PATE3: variants seen among roughly 807,000 people sequenced by gnomAD.
PATE3 encodes prostate and testis expressed 3.
A neutral mutation model predicts 7.4 loss-of-function variants in PATE3; 7 were observed. The ratio of observed to expected loss-of-function variants is 0.95; its 90% confidence interval spans 0.54 to 1.78. PATE3 has a LOEUF of 1.78. Among genes scored for constraint, PATE3 ranks in the 40% most tolerant of loss-of-function variants. The pLI is 0.00. For synonymous variants in PATE3, 38 were observed against 40.2 expected, an observed-to-expected ratio of 0.94 and a Z score of 0.21; for missense variants, 117 against 122.5, an observed-to-expected ratio of 0.96 and a Z score of 0.21.
chr11:125,788,982 CAGAAT>C (rs921341860), intron 1 of PATE3, among the ~76,000 whole-genome samples: 3 of 152,100 alleles, frequency 2.0e-5, no homozygotes, highest in Non-Finnish European at 4.4e-5. Flanking sequence ...CTCAAAAGAA[CAGAAT>C]ATATCACCTA....
chr11:125,790,876 A>G lies in PATE3; in HGVS notation c.*274A>G, dbSNP rs911678447. On this transcript the variant is annotated 3_prime_UTR_variant, in exon 3 of 3. Coordinates refer to ENST00000445202, the MANE Select transcript of PATE3 (RefSeq NM_001129883.4). ...AGAAACCTGCCCCAAGAGTTCCTGT[A>G]CAGTAAAATTTAAAGCAGGAACATT... is the stretch of plus-strand genomic sequence containing the variant. 7.4e-6 allele frequency: 2 copies of G among 270,430 alleles called. No homozygotes were observed. Among genetic ancestry groups the G allele is most frequent in the Non-Finnish European group, 1.4e-5 (2 of 145,528 alleles). 16.8% of individuals were successfully genotyped at this position (270,430 alleles called of 1,614,324 possible).
Position 125,789,508 on chromosome 11 carries a change from C to T in PATE3, c.172C>T (p.Arg58Cys), listed in dbSNP as rs778608262. Residue 58 changes from arginine (R) to cysteine (C), a missense_variant and splice_region_variant, in exon 2 of 3, where the codon CGC (arginine) becomes TGC (cysteine). Transcript: ENST00000445202. The stretch of plus-strand genomic sequence containing the variant: ...ATGCATGCTCTTAAGGATTTACCAG[C>T]GTAAGTTAGAGGGTCAGGGAAGGTG... The part of the protein sequence containing the change: ...EACMLLRIYQ[R>C]NTLQISYMVC... 7.1e-6 allele frequency: 11 copies of T among 1,550,146 alleles called. No individual in the cohort carries two copies. Among genetic ancestry groups the T allele is most frequent in the East Asian group, 2.4e-5 (1 of 40,886 alleles).
In PATE3 at chr11:125,788,136, G is replaced by A. The variant is rs966733960; in HGVS notation, c.-16G>A. The stretch of plus-strand genomic sequence containing the variant: ...CCCTAGCTTCTTTTTCCTGCACAAG[G>A]GATTTCCGGGTCAGGATGAACAAAC... On this transcript the variant is annotated 5_prime_UTR_variant, in exon 1 of 3. Coordinates refer to ENST00000445202, the MANE Select transcript of PATE3 (RefSeq NM_001129883.4). 6.4e-7 allele frequency: 1 copy of A among 1,550,934 alleles called. No homozygotes were observed. The highest frequency in any genetic ancestry group is 8.7e-7 in the Non-Finnish European group (1 of 1,146,524).
At position 125,788,166 on chromosome 11, in the gene PATE3, C is replaced by G. The variant is rs957982097; in HGVS notation, c.15C>G (p.Phe5Leu). 1.1e-5 allele frequency: 17 copies of G among 1,551,470 alleles called. No homozygotes were observed. In the Admixed American group the frequency reaches 1.4e-4, roughly 13 times the overall value. Residue 5 changes from phenylalanine (F) to leucine (L), a missense_variant, in exon 1 of 3, where the codon TTC (phenylalanine) becomes TTG (leucine). Transcript: ENST00000445202. ...TCCGGGTCAGGATGAACAAACACTT[C>G]TTGTTCCTCTTCCTCCTTTACTGCC... MNKH[F>L]LFLFLLYCLI... is the part of the protein sequence containing the mutation.
chr11:125,789,594 A>G, intron 2 of PATE3, 86 bp downstream of exon 2: 1 of 1,437,694 alleles, frequency 7.0e-7, no homozygotes, highest in East Asian at 2.5e-5. Flanking sequence ...CAAGAGAAGA[A>G]CCAATGCAGA....
Position 125,789,510 on chromosome 11 carries a change from T to C in PATE3, c.172+2T>C. On this transcript the variant is annotated splice_donor_variant, in intron 2 of 2. Coordinates refer to ENST00000445202, the MANE Select transcript of PATE3 (RefSeq NM_001129883.4). LOFTEE classifies it high-confidence loss of function. ...GCATGCTCTTAAGGATTTACCAGCG[T>C]AAGTTAGAGGGTCAGGGAAGGTGTT... 4 of 1,550,356 alleles carry C rather than the reference T, an allele frequency of 2.6e-6. No homozygotes were observed. The highest frequency in any genetic ancestry group is 2.4e-5 in the South Asian group (2 of 83,994).
Position 125,790,807 on chromosome 11 carries a change from T to C in PATE3, c.*205T>C. ...GTCAGAGAATAGTGGTTCTGAACAA[T>C]GGATTTCTTCTATTATTGGGATTAT... On this transcript the variant is annotated 3_prime_UTR_variant, in exon 3 of 3. Coordinates refer to ENST00000445202, the MANE Select transcript of PATE3 (RefSeq NM_001129883.4). 1 of 474,118 alleles carries C rather than the reference T, an allele frequency of 2.1e-6. No homozygotes were observed. The highest frequency in any genetic ancestry group is 3.7e-6 in the Non-Finnish European group (1 of 273,254). 29.4% of individuals were successfully genotyped at this position (474,118 alleles called of 1,614,324 possible).
Position 125,790,617 on chromosome 11 carries a change from T to C in PATE3, c.*15T>C. On this transcript the variant is annotated 3_prime_UTR_variant, in exon 3 of 3. Transcript: ENST00000445202. ...TTAAACTCTAAGATATTTGCCCTCCTGAGGTCTCGCTTTGGAATGTCCCCA... is the reference window on the plus strand; with the variant it reads ...TTAAACTCTAAGATATTTGCCCTCCCGAGGTCTCGCTTTGGAATGTCCCCA... 1.3e-6 allele frequency: 2 copies of C among 1,549,198 alleles called. No homozygotes were observed. Among genetic ancestry groups the C allele is most frequent in the Non-Finnish European group, 1.7e-6 (2 of 1,145,700 alleles).
chr11:125,789,495 A>G lies in PATE3; in HGVS notation c.159A>G (p.Leu53=), dbSNP rs1943592269. 1 of 1,551,108 alleles carries G rather than the reference A, an allele frequency of 6.4e-7. No individual in the cohort carries two copies. The highest frequency in any genetic ancestry group is 1.4e-5 in the African/African-American group (1 of 73,030). Residue 53 remains leucine, a synonymous_variant, in exon 2 of 3, where the codon TTA becomes TTG. Transcript: ENST00000445202. ...TAQKGEACML[L]RIYQRNTLQI... ...AGAAGGGCGAGGCATGCATGCTCTT[A>G]AGGATTTACCAGCGTAAGTTAGAGG...
chr11:125,788,313 C>G, intron 1 of PATE3, 113 bp downstream of exon 1: 2 of 881,634 alleles, frequency 2.3e-6, no homozygotes, highest in Non-Finnish European at 3.4e-6. Flanking sequence ...CTTTTATGAG[C>G]CAGGGGAAGC....
rs1943608470 is a variant in PATE3, at chr11:125,791,227, T to C, written c.*625T>C. 1 of 144,594 alleles carries C rather than the reference T, an allele frequency of 6.9e-6. No individual in the cohort carries two copies. The highest frequency in any genetic ancestry group is 1.6e-5 in the Non-Finnish European group (1 of 62,486). 9.0% of individuals were successfully genotyped at this position (144,594 alleles called of 1,614,324 possible). A position where few individuals can be genotyped will look rare whatever the true frequency, so the allele number is the denominator to read the frequency against. On this transcript the variant is annotated 3_prime_UTR_variant, in exon 3 of 3. Coordinates refer to ENST00000445202, the MANE Select transcript of PATE3 (RefSeq NM_001129883.4). ...TCTCACACAGCCACTGCTACTCCTA[T>C]CGAGATGTACATTCAAGGTACATCA... is the stretch of plus-strand genomic sequence containing the variant.
At chr11:125,790,066 C>T (rs1943596135) in intron 2 of PATE3, among the ~76,000 whole-genome samples, 1 of 152,052 alleles carries the variant, frequency 6.6e-6, no homozygotes, top group Non-Finnish European at 1.5e-5. Flanking sequence ...TGTTCTTAAT[C>T]ATGTATAGGA....
At chr11:125,789,248 G>A (rs1445309729) in intron 1 of PATE3, 138 bp from the exon 2 acceptor site, 18 of 804,742 alleles carry the variant, frequency 2.2e-5, no homozygotes, top group East Asian at 1.7e-4. Flanking sequence ...ACTGTTTACC[G>A]CCTAAATACC....
chr11:125,790,336 G>A lies in PATE3; in HGVS notation c.173-142G>A, dbSNP rs555760894. 61 of 732,660 alleles carry A rather than the reference G, an allele frequency of 8.3e-5. No individual in the cohort carries two copies. In the East Asian group the frequency reaches 1.8e-3, roughly 22 times the overall value. The allele number at this position is 732,660 out of a possible 1,614,324, so 45.4% of individuals were successfully genotyped here. A position where few individuals can be genotyped will look rare whatever the true frequency, so the allele number is the denominator to read the frequency against. The stretch of plus-strand genomic sequence containing the variant: ...GTGGCCTCTGTATCTCCCTGCCTGG[G>A]TGCTTTTAGGGAGTATAAGCTGGGA... On this transcript the variant is annotated intron_variant, in intron 2 of 2. Coordinates refer to ENST00000445202, the MANE Select transcript of PATE3 (RefSeq NM_001129883.4).
chr11:125,790,563 T>C lies in PATE3; in HGVS notation c.258T>C (p.His86=), dbSNP rs1309170206. 10 of 1,551,436 alleles carry C rather than the reference T, an allele frequency of 6.4e-6. No homozygotes were observed. In the East Asian group the frequency reaches 1.5e-4, roughly 23 times the overall value. ...ATCTCAGGAATCGGACTTATGTTCA[T>C]ACATGCTGCAACTACAATTACTGTA... is the stretch of plus-strand genomic sequence containing the variant. ...TFDLRNRTYV[H]TCCNYNYCNF... Residue 86 remains histidine (H), a synonymous_variant, in exon 3 of 3, where the codon CAT becomes CAC. Coordinates refer to ENST00000445202, the MANE Select transcript of PATE3 (RefSeq NM_001129883.4).
intron 1 of PATE3, 88 bp downstream of exon 1, chr11:125,788,288 G>A: frequency 7.8e-7 from 1 of 1,289,936 alleles, no homozygotes; most frequent in Non-Finnish European, 1.1e-6. Context: ...TCCATGCAGG[G>A]CTGAGCTTTG....
rs1258157899 is a variant in PATE3, at chr11:125,789,498, G to GT, written c.162_163insT (p.Ile55TyrfsTer24). 6.4e-7 allele frequency: 1 copy of GT among 1,551,000 alleles called. No individual in the cohort carries two copies. The highest frequency in any genetic ancestry group is 1.4e-5 in the African/African-American group (1 of 73,150). ...AGGGCGAGGCATGCATGCTCTTAAG[G>GT]ATTTACCAGCGTAAGTTAGAGGGTC... On this transcript the variant is annotated frameshift_variant, in exon 2 of 3. Transcript: ENST00000445202. LOFTEE classifies it low-confidence loss of function (END_TRUNC).
At position 125,790,575 on chromosome 11, in the gene PATE3, C is replaced by T; in HGVS notation, c.270C>T (p.Asn90=). The T allele has an allele frequency of 3.9e-6, 6 of 1,551,402 alleles. No individual in the cohort carries two copies. The highest frequency in any genetic ancestry group is 1.4e-5 in the African/African-American group (1 of 73,144). Residue 90 remains asparagine (N), a synonymous_variant, in exon 3 of 3, where the codon AAC becomes AAT. Coordinates refer to ENST00000445202, the MANE Select transcript of PATE3 (RefSeq NM_001129883.4). The part of the protein sequence containing the change: ...RNRTYVHTCC[N]YNYCNFKL ...GGACTTATGTTCATACATGCTGCAA[C>T]TACAATTACTGTAACTTTAAACTCT...
chr11:125,789,639 G>C, intron 2 of PATE3, 131 bp downstream of exon 2: 1 of 973,882 alleles, frequency 1.0e-6, no homozygotes, highest in Non-Finnish European at 1.4e-6. Context: ...ACAGGTCCCT[G>C]TGCATACAGA....
Sources: allele counts gnomAD v4.1 joint callset (sites outside exome capture counted in the v4.1 genomes callset), GRCh38; gene constraint gnomAD v4.1.1; transcripts MANE v1.5; gene names NCBI Gene and HGNC (gene_info 2026-07-23, HGNC 2026-07-21).